The following TTLL11 variants were observed in gnomAD, a reference collection of about 807,000 sequenced individuals.
TTLL11 encodes tubulin polyglutamylase TTLL11.
A neutral mutation model predicts 51.7 loss-of-function variants in TTLL11; 42 were observed. The ratio of observed to expected loss-of-function variants is 0.81; its 90% CI spans 0.64 to 1.05. The LOEUF is 1.05. Ranked by LOEUF, TTLL11 falls within the 50% of genes least tolerant of loss-of-function variation. The pLI is 0.00. For missense variants in TTLL11, 799 were observed against 940.4 expected (o/e 0.85, Z 1.97); for synonymous variants, 381 against 383.5 (o/e 0.99, Z 0.08).
intron 1 of TTLL11, among the ~76,000 whole-genome samples, chr9:122,075,264 A>G (rs1845833749): frequency 6.6e-6 from 1 of 152,218 alleles, no homozygotes; most frequent in Non-Finnish European, 1.5e-5. Context: ...ATGATGGGCG[A>G]GTAGGGATCA....
rs912156043 is a variant in TTLL11 at position 121,860,444 on chromosome 9, C to T, written c.1734-1G>A. On this transcript the variant is annotated splice_acceptor_variant, in intron 7 of 8. Transcript: ENST00000321582. LOFTEE classifies it high-confidence loss of function. ...GCTGCTGCTGCTGAGTTTGCAGCTCCTGCCAACAATGGGAAGTGACATGTC... is the reference window on the plus strand; with the variant it reads ...GCTGCTGCTGCTGAGTTTGCAGCTCTTGCCAACAATGGGAAGTGACATGTC... 5.3e-5 allele frequency: 82 copies of T among 1,550,374 alleles called. No individual in the cohort carries two copies. The highest frequency in any genetic ancestry group is 6.6e-5 in the Non-Finnish European group (76 of 1,146,790).
chr9:121,846,390 G>A (rs998044870), intron 8 of TTLL11, among the ~76,000 whole-genome samples: 7 of 152,140 alleles, frequency 4.6e-5, no homozygotes, highest in African/African-American at 1.7e-4. Context: ...CAGAAAATTG[G>A]TAAGGGTATA....
chr9:122,064,336 TG>T (rs1324571074), intron 1 of TTLL11, among the ~76,000 whole-genome samples: 1 of 152,178 alleles, frequency 6.6e-6, no homozygotes, highest in African/African-American at 2.4e-5. Context: ...AATTCTAAAA[TG>T]TTAAGAATAC....
intron 8 of TTLL11, among the ~76,000 whole-genome samples, chr9:121,824,603 G>A (rs1386189290): frequency 6.6e-6 from 1 of 151,408 alleles, no homozygotes; most frequent in Non-Finnish European, 1.5e-5. Flanking sequence ...TTTTAACTAA[G>A]TTGTTAAAAA....
intron 4 of TTLL11, among the ~76,000 whole-genome samples, chr9:121,981,292 C>T (rs1474320432): frequency 3.9e-5 from 6 of 151,940 alleles, no homozygotes; most frequent in African/African-American, 4.8e-5. Context: ...TCTATTGCTA[C>T]GTCTTCAAGT....
chr9:121,824,675 G>A (rs1247597994), intron 8 of TTLL11, among the ~76,000 whole-genome samples: 3 of 152,054 alleles, frequency 2.0e-5, no homozygotes, highest in Non-Finnish European at 4.4e-5. Flanking sequence ...AAGTAAAACT[G>A]GAACCCGGGG....
chr9:122,083,412 G>T (rs562069109), intron 1 of TTLL11, among the ~76,000 whole-genome samples: 1 of 152,208 alleles, frequency 6.6e-6, no homozygotes, highest in East Asian at 1.9e-4. Context: ...AGCCCACATT[G>T]AACCCAAAGC....
chr9:122,045,734 A>G (rs961313426), intron 1 of TTLL11, among the ~76,000 whole-genome samples: 1 of 152,248 alleles, frequency 6.6e-6, no homozygotes, highest in African/African-American at 2.4e-5. Flanking sequence ...TAAAGGAAGG[A>G]AATTCTTCTA....
At chr9:122,035,650 C>A (rs941616369) in intron 2 of TTLL11, among the ~76,000 whole-genome samples, 1 of 152,214 alleles carries the variant, frequency 6.6e-6, no homozygotes, top group Admixed American at 6.5e-5. Flanking sequence ...CCATCCTGTT[C>A]TCTCTATTCT....
At chr9:121,888,506 G>A (rs1031389135) in intron 6 of TTLL11, among the ~76,000 whole-genome samples, 6 of 152,202 alleles carry the variant, frequency 3.9e-5, no homozygotes, top group African/African-American at 1.4e-4. Context: ...GTAGACAGGG[G>A]CTGTGTCTGA....
intron 6 of TTLL11, among the ~76,000 whole-genome samples, chr9:121,871,214 T>C (rs1275655619): frequency 6.6e-6 from 1 of 151,376 alleles, no homozygotes; most frequent in East Asian, 1.9e-4. Context: ...ATTATATTTC[T>C]GGCTTAACTG....
chr9:121,926,926 G>C (rs1303289654), intron 6 of TTLL11, among the ~76,000 whole-genome samples: 20 of 152,184 alleles, frequency 1.3e-4, no homozygotes, highest in Admixed American at 1.3e-3. Flanking sequence ...GGATCCTCTT[G>C]CAAATGCAGA....
intron 1 of TTLL11, among the ~76,000 whole-genome samples, chr9:122,083,123 A>T (rs1239627570): frequency 2.6e-5 from 4 of 152,168 alleles, no homozygotes; most frequent in Non-Finnish European, 4.4e-5. Flanking sequence ...TAATTAGCAC[A>T]GTTTACCAAA....
chr9:121,956,605 G>A, intron 6 of TTLL11, among the ~76,000 whole-genome samples: 1 of 152,230 alleles, frequency 6.6e-6, no homozygotes, highest in South Asian at 2.1e-4. Flanking sequence ...GCCCTGCTGA[G>A]AGCCCAGTGC....
intron 6 of TTLL11, among the ~76,000 whole-genome samples, chr9:121,876,264 C>G (rs1270698229): frequency 1.3e-5 from 2 of 152,192 alleles, no homozygotes; most frequent in Non-Finnish European, 2.9e-5. Context: ...GTATATAGTT[C>G]CAGAAATTAA....
chr9:122,076,091 A>C (rs1188416947), intron 1 of TTLL11, among the ~76,000 whole-genome samples: 1 of 152,168 alleles, frequency 6.6e-6, no homozygotes, highest in Non-Finnish European at 1.5e-5. Flanking sequence ...GGTATCTTAC[A>C]GTCTATGGGA....
intron 6 of TTLL11, among the ~76,000 whole-genome samples, chr9:121,883,390 TC>T (rs1272391676): frequency 6.6e-6 from 1 of 152,142 alleles, no homozygotes; most frequent in Non-Finnish European, 1.5e-5. Flanking sequence ...GTTATATGAC[TC>T]CTTTGACATA....
chr9:121,934,475 G>A (rs111584095), intron 6 of TTLL11, among the ~76,000 whole-genome samples: 25 of 152,124 alleles, frequency 1.6e-4, no homozygotes, highest in African/African-American at 5.3e-4. Flanking sequence ...AGCTCATGGC[G>A]GCAGATAGGA....
At chr9:121,906,458 T>TTTAGTAGAGAACAC (rs1308429119) in intron 6 of TTLL11, among the ~76,000 whole-genome samples, 1 of 151,870 alleles carries the variant, frequency 6.6e-6, no homozygotes, top group Non-Finnish European at 1.5e-5. Flanking sequence ...AACACTTGTC[T>TTTAGTAGAGAACAC]TTGTCTTTAT....
Sources: allele counts gnomAD v4.1 joint callset (sites outside exome capture counted in the v4.1 genomes callset), GRCh38; gene constraint gnomAD v4.1.1; transcripts MANE v1.5; gene names NCBI Gene and HGNC (gene_info 2026-07-23, HGNC 2026-07-21).